Variants in TCF12 observed in about 807,000 individuals in gnomAD.
The protein encoded by TCF12 is DNA-binding protein HTF4.
Under a neutral mutation model 86.0 loss-of-function variants are expected in TCF12, and 45 were observed. The ratio of observed to expected loss-of-function variants is 0.52; its 90% CI spans 0.41 to 0.67. The LOEUF (loss-of-function observed/expected upper bound fraction) is 0.67. Ranked by LOEUF, TCF12 falls within the 30% of genes least tolerant of loss-of-function variation. The probability of loss-of-function intolerance (pLI) is 0.00; values close to 1 mark genes in which losing one functional copy is unlikely to be tolerated. For missense variants in TCF12, 881 were observed against 859.9 expected, an observed-to-expected ratio of 1.02 and a Z score of -0.31; for synonymous variants, 330 against 299.6, an observed-to-expected ratio of 1.10 and a Z score of -1.05.
intron 4 of TCF12, among the ~76,000 whole-genome samples, chr15:57,074,056 G>C (rs1295216730): frequency 6.6e-6 from 1 of 151,910 alleles, no homozygotes; most frequent in Non-Finnish European, 1.5e-5. Flanking sequence ...GGCCTTAGAA[G>C]TTTCAGGATA....
chr15:57,122,499 T>C (rs2051311812), intron 5 of TCF12, among the ~76,000 whole-genome samples: 1 of 152,210 alleles, frequency 6.6e-6, no homozygotes, highest in Non-Finnish European at 1.5e-5. Flanking sequence ...ATTTTATGGG[T>C]ATAGAAACAA....
chr15:57,066,088 G>C (rs2068851227), intron 4 of TCF12, among the ~76,000 whole-genome samples: 1 of 152,070 alleles, frequency 6.6e-6, no homozygotes, highest in Admixed American at 6.6e-5. Flanking sequence ...ACAAAAATCT[G>C]GATCCAGTTT....
intron 3 of TCF12, among the ~76,000 whole-genome samples, chr15:57,041,082 A>T (rs1243952722): frequency 6.6e-6 from 1 of 152,202 alleles, no homozygotes; most frequent in Admixed American, 6.5e-5. Flanking sequence ...CACATGAAGA[A>T]TTTGAGGCAG....
intron 15 of TCF12, 136 bp from the exon 16 acceptor site, chr15:57,253,126 G>A: frequency 2.4e-6 from 2 of 819,812 alleles, no homozygotes; most frequent in Non-Finnish European, 3.9e-6. Flanking sequence ...TTATAGTTCA[G>A]GTGGTTGCTT....
intron 3 of TCF12, among the ~76,000 whole-genome samples, chr15:57,051,026 A>G (rs779082143): frequency 4.6e-5 from 7 of 152,160 alleles, no homozygotes; most frequent in Non-Finnish European, 1.5e-5. Context: ...TTATTTCACC[A>G]CACATGTAGT....
intron 3 of TCF12, among the ~76,000 whole-genome samples, chr15:56,984,904 G>T (rs908386560): frequency 2.6e-5 from 4 of 152,126 alleles, no homozygotes; most frequent in African/African-American, 9.7e-5. Flanking sequence ...TTGTAAGATT[G>T]TGCTAAGACA....
intron 4 of TCF12, among the ~76,000 whole-genome samples, chr15:57,076,972 G>A (rs757906281): frequency 1.7e-4 from 26 of 152,060 alleles, no homozygotes; most frequent in Non-Finnish European, 3.1e-4. Flanking sequence ...CCATATATGC[G>A]AGGATCAATA....
intron 12 of TCF12, among the ~76,000 whole-genome samples, chr15:57,236,757 G>A (rs1347038249): frequency 6.6e-6 from 1 of 151,514 alleles, no homozygotes; most frequent in Non-Finnish European, 1.5e-5. Context: ...CTTAATCTCA[G>A]GATAGCAAGA....
At chr15:57,155,866 A>T (rs2054078753) in intron 5 of TCF12, among the ~76,000 whole-genome samples, 1 of 152,192 alleles carries the variant, frequency 6.6e-6, no homozygotes, top group African/African-American at 2.4e-5. Context: ...GGCTTTCTCC[A>T]TGTGTTTCAA....
At chr15:57,006,250 A>C (rs372567140) in intron 3 of TCF12, among the ~76,000 whole-genome samples, 2 of 152,292 alleles carry the variant, frequency 1.3e-5, no homozygotes, top group African/African-American at 4.8e-5. Flanking sequence ...ATTCTCACGG[A>C]CTATACTTAT....
intron 19 of TCF12, among the ~76,000 whole-genome samples, chr15:57,280,203 A>G (rs1474741572): frequency 3.4e-5 from 5 of 145,922 alleles, no homozygotes; most frequent in East Asian, 4.0e-4. Context: ...AGTCTCTTAT[A>G]AAAAACAAAC....
At chr15:57,191,652 A>G (rs368792982) in intron 6 of TCF12, among the ~76,000 whole-genome samples, 348 of 152,264 alleles carry the variant, frequency 2.3e-3, no homozygotes, top group Non-Finnish European at 4.2e-3. Context: ...AAAGCAGACA[A>G]TGTGGCTGGG....
chr15:57,236,747 C>G (rs1340357558), intron 12 of TCF12, among the ~76,000 whole-genome samples: 2 of 151,214 alleles, frequency 1.3e-5, no homozygotes, highest in East Asian at 3.9e-4. Flanking sequence ...TAATTGTGGT[C>G]TTAATCTCAG....
intron 3 of TCF12, among the ~76,000 whole-genome samples, chr15:57,051,171 T>G (rs1596305204): frequency 6.6e-6 from 1 of 152,226 alleles, no homozygotes; most frequent in Non-Finnish European, 1.5e-5. Flanking sequence ...CATGGTTTTA[T>G]GCTTTGTTAA....
chr15:57,134,333 T>G (rs2052365276), intron 5 of TCF12: 1 of 152,226 alleles, frequency 6.6e-6, no homozygotes, highest in South Asian at 2.1e-4. Context: ...GCATGAGTTG[T>G]TTGAATAATC....
At chr15:57,195,203 A>G (rs1275590961) in intron 7 of TCF12, among the ~76,000 whole-genome samples, 2 of 152,086 alleles carry the variant, frequency 1.3e-5, no homozygotes, top group Non-Finnish European at 2.9e-5. Flanking sequence ...GCACCCAGCC[A>G]TCTCTTAGCT....
intron 12 of TCF12, among the ~76,000 whole-genome samples, chr15:57,241,918 G>T (rs1267711530): frequency 6.6e-5 from 8 of 120,858 alleles, no homozygotes; most frequent in Non-Finnish European, 1.3e-4. Flanking sequence ...CTTGAACCTT[G>T]TAGGTGGAGG....
intron 3 of TCF12, among the ~76,000 whole-genome samples, chr15:56,942,674 A>G (rs572007909): frequency 6.6e-6 from 1 of 152,318 alleles, no homozygotes; most frequent in South Asian, 2.1e-4. Flanking sequence ...ATATGGCTCA[A>G]CTGGTTTAGG....
intron 5 of TCF12, among the ~76,000 whole-genome samples, chr15:57,113,443 T>A (rs1349471784): frequency 6.6e-6 from 1 of 152,210 alleles, no homozygotes; most frequent in Non-Finnish European, 1.5e-5. Context: ...TTATTTATAT[T>A]TCTATCTGTA....
Sources: allele counts gnomAD v4.1 joint callset (sites outside exome capture counted in the v4.1 genomes callset), GRCh38; gene constraint gnomAD v4.1.1; transcripts MANE v1.5; gene names NCBI Gene and HGNC (gene_info 2026-07-23, HGNC 2026-07-21).